Variants in RYR2 observed in about 807,000 individuals in gnomAD.
RYR2 encodes cardiac muscle ryanodine receptor-calcium release channel.
Under a neutral mutation model 601.1 loss-of-function variants are expected in RYR2, and 227 were observed. The observed-to-expected ratio is 0.38, with a 90% CI of 0.34 to 0.42. The LOEUF is 0.42. Among genes scored for constraint, RYR2 ranks in the 10% least tolerant of loss-of-function variants. The probability of loss-of-function intolerance (pLI) is 1.00; values close to 1 mark genes in which losing one functional copy is unlikely to be tolerated. For synonymous variants in RYR2, 2,223 were observed against 2,175.1 expected (o/e 1.02, Z -0.61); for missense variants, 4,646 against 6,156.5 (o/e 0.75, Z 8.21).
chr1:237,587,854 G>T (rs1437092785), intron 29 of RYR2, among the ~76,000 whole-genome samples: 1 of 152,084 alleles, frequency 6.6e-6, no homozygotes, highest in African/African-American at 2.4e-5. Context: ...TGTAGGCTAG[G>T]AACTCCTTCT....
chr1:237,168,317 G>A (rs569228739), intron 1 of RYR2, among the ~76,000 whole-genome samples: 1 of 152,004 alleles, frequency 6.6e-6, no homozygotes, highest in East Asian at 1.9e-4. Context: ...GGGGGTGCTG[G>A]GTTGGGGGAG....
chr1:237,500,576 A>G (rs1357845484), intron 20 of RYR2, 135 bp from the exon 21 acceptor site: 1 of 679,738 alleles, frequency 1.5e-6, no homozygotes, highest in Non-Finnish European at 2.4e-6. Flanking sequence ...ACATGCGTTT[A>G]CATTCAAGAT....
At chr1:237,444,499 G>T (rs1375943863) in intron 13 of RYR2, among the ~76,000 whole-genome samples, 1 of 152,106 alleles carries the variant, frequency 6.6e-6, no homozygotes, top group Non-Finnish European at 1.5e-5. Flanking sequence ...CTGGGTAGGT[G>T]TATTAAATTA....
chr1:237,408,936 TAAGATA>T (rs761580327), intron 10 of RYR2, among the ~76,000 whole-genome samples: 37,248 of 151,224 alleles, frequency 0.25, 4,771 homozygotes, highest in African/African-American at 0.34. Context: ...TTTTTGGTAT[TAAGATA>T]AATAATATTT....
intron 17 of RYR2, among the ~76,000 whole-genome samples, chr1:237,487,000 T>C (rs1662752718): frequency 6.6e-6 from 1 of 152,144 alleles, no homozygotes; most frequent in Non-Finnish European, 1.5e-5. Context: ...AAACATAAAA[T>C]TCAATTGTTT....
At chr1:237,236,286 AGTACTGAGCT>A (rs1445940987) in intron 1 of RYR2, among the ~76,000 whole-genome samples, 2 of 152,190 alleles carry the variant, frequency 1.3e-5, no homozygotes, top group Admixed American at 1.3e-4. Context: ...ATCAGTCAAT[AGTACTGAGCT>A]TTTCTTGGTT....
chr1:237,641,610 C>T (rs970824545), intron 47 of RYR2, among the ~76,000 whole-genome samples: 1 of 151,500 alleles, frequency 6.6e-6, no homozygotes, highest in African/African-American at 2.4e-5. Context: ...GGCATGATCT[C>T]AGCTCACTGC....
chr1:237,235,990 C>T (rs1382600435), intron 1 of RYR2, among the ~76,000 whole-genome samples: 1 of 152,210 alleles, frequency 6.6e-6, no homozygotes, highest in African/African-American at 2.4e-5. Context: ...ACCCTCTAGT[C>T]ATCCTGTCAT....
intron 2 of RYR2, among the ~76,000 whole-genome samples, chr1:237,278,245 A>ATTTTTTTTTT (rs71561863): frequency 4.5e-4 from 30 of 67,022 alleles, no homozygotes; most frequent in Non-Finnish European, 6.9e-4. Context: ...TAATTTTTGT[A>ATTTTTTTTTT]TTTTTTTTTT....
chr1:237,287,454 G>A (rs771745758), intron 2 of RYR2, among the ~76,000 whole-genome samples: 1 of 152,026 alleles, frequency 6.6e-6, no homozygotes, highest in Non-Finnish European at 1.5e-5. Context: ...TTATTCTTAG[G>A]TTTGGTTGTT....
chr1:237,380,401 TATATATATATATATATATATA>T lies in RYR2; in HGVS notation c.576+2967_576+2987del, dbSNP rs1701396091. On this transcript the variant is annotated intron_variant, in intron 8 of 104. Transcript: ENST00000366574. ...ATATATATATATATATATATATATA[TATATATATATATATATATATA>T]GTAAATACGAAGTCTGGTGAGTATG... 1.3e-3 allele frequency among the ~76,000 whole-genome samples: 44 copies of T among 33,102 alleles called. 2 individuals carry two copies. Among genetic ancestry groups the T allele is most frequent in the African/African-American group, 3.9e-3 (38 of 9,846 alleles). The allele number at this position is 33,102 out of a possible 152,430, so 21.7% of individuals were successfully genotyped here. A position where few individuals can be genotyped will look rare whatever the true frequency, so the allele number is the denominator to read the frequency against.
intron 3 of RYR2, among the ~76,000 whole-genome samples, chr1:237,338,147 C>T (rs1445819998): frequency 1.3e-5 from 2 of 152,110 alleles, no homozygotes; most frequent in Admixed American, 1.3e-4. Context: ...GCTACCCTAT[C>T]ATGGATGTGC....
chr1:237,351,985 C>T (rs1236010809), intron 3 of RYR2, among the ~76,000 whole-genome samples: 1 of 150,382 alleles, frequency 6.6e-6, no homozygotes, highest in Non-Finnish European at 1.5e-5. Context: ...TAGCCTATTA[C>T]AACCAAGTTG....
At position 237,400,800 on chromosome 1, in the gene RYR2, C is replaced by G. The variant is rs535577720; in HGVS notation, c.773+12617C>G. 1.2e-3 allele frequency among the ~76,000 whole-genome samples: 182 copies of G among 152,016 alleles called. 1 individual carries two copies. The highest frequency in any genetic ancestry group is 4.2e-3 in the African/African-American group (173 of 41,464). ...TGAAGATGTAGTATTGGGTCATAGT[C>G]CCAAAAAGGAAGGAGATCAGGGAAA... On this transcript the variant is annotated intron_variant, in intron 10 of 104. Transcript: ENST00000366574.
intron 41 of RYR2, among the ~76,000 whole-genome samples, chr1:237,630,212 A>T (rs1680105938): frequency 6.6e-6 from 1 of 152,190 alleles, no homozygotes; most frequent in South Asian, 2.1e-4. Flanking sequence ...AATATTTAAC[A>T]CAGAGAGATT....
At chr1:237,125,245 C>T (rs910776605) in intron 1 of RYR2, among the ~76,000 whole-genome samples, 4 of 152,046 alleles carry the variant, frequency 2.6e-5, no homozygotes, top group Non-Finnish European at 4.4e-5. Context: ...AAGGTCGCCA[C>T]GCCCAGGCCT....
intron 2 of RYR2, among the ~76,000 whole-genome samples, chr1:237,281,548 A>G (rs1690871205): frequency 6.6e-6 from 1 of 152,244 alleles, no homozygotes; most frequent in Admixed American, 6.5e-5. Flanking sequence ...AGATTGGCAG[A>G]TATTTTAATC....
chr1:237,508,806 G>T (rs1572649058), intron 23 of RYR2, among the ~76,000 whole-genome samples: 1 of 136,378 alleles, frequency 7.3e-6, no homozygotes, highest in African/African-American at 2.7e-5. Flanking sequence ...GCAGTGGCGG[G>T]ATCTCGGCTC....
intron 1 of RYR2, among the ~76,000 whole-genome samples, chr1:237,051,024 C>A (rs1410793291): frequency 6.6e-6 from 1 of 152,110 alleles, no homozygotes; most frequent in Non-Finnish European, 1.5e-5. Context: ...TATTTTTTTT[C>A]ACCAATTTTG....
Sources: allele counts gnomAD v4.1 joint callset (sites outside exome capture counted in the v4.1 genomes callset), GRCh38; gene constraint gnomAD v4.1.1; transcripts MANE v1.5; gene names NCBI Gene and HGNC (gene_info 2026-07-23, HGNC 2026-07-21).